ELAPOR2: variants seen among roughly 807,000 people sequenced by gnomAD.
ELAPOR2 encodes endosome/lysosome-associated apoptosis and autophagy regulator family member 2.
In ELAPOR2, 89 loss-of-function variants were observed where a neutral mutation model predicts 120.7. The observed-to-expected ratio is 0.74, with a 90% CI of 0.62 to 0.88. The LOEUF is 0.88. Ranked by LOEUF, ELAPOR2 falls within the 40% of genes least tolerant of loss-of-function variation. The pLI is 0.00. For synonymous variants in ELAPOR2, 444 were observed against 444.9 expected (o/e 1.00, Z 0.03); for missense variants, 1,134 against 1,251.6 (o/e 0.91, Z 1.42).
intron 2 of ELAPOR2, among the ~76,000 whole-genome samples, chr7:86,955,223 A>G (rs1197411273): frequency 6.6e-6 from 1 of 152,132 alleles, no homozygotes; most frequent in Non-Finnish European, 1.5e-5. Flanking sequence ...AAATTCTTAG[A>G]GAAGAAAAAG....
At chr7:87,053,760 G>C (rs1795184145) in intron 1 of ELAPOR2, among the ~76,000 whole-genome samples, 1 of 152,112 alleles carries the variant, frequency 6.6e-6, no homozygotes, top group African/African-American at 2.4e-5. Context: ...ATGGATCTAG[G>C]TCAGGAGGCT....
At chr7:86,976,904 C>T (rs1792301309) in intron 1 of ELAPOR2, among the ~76,000 whole-genome samples, 1 of 152,200 alleles carries the variant, frequency 6.6e-6, no homozygotes, top group Non-Finnish European at 1.5e-5. Context: ...TTACAACCAT[C>T]ATGCATAAGG....
At chr7:87,034,683 G>A (rs1794527019) in intron 1 of ELAPOR2, among the ~76,000 whole-genome samples, 1 of 152,044 alleles carries the variant, frequency 6.6e-6, no homozygotes, top group Non-Finnish European at 1.5e-5. Flanking sequence ...ATTTTCAAGG[G>A]TCAGTTCTTT....
At chr7:86,933,763 C>T (rs541307206) in intron 8 of ELAPOR2, among the ~76,000 whole-genome samples, 1 of 152,144 alleles carries the variant, frequency 6.6e-6, no homozygotes, top group South Asian at 2.1e-4. Flanking sequence ...GAGCCATGCT[C>T]CCACTTCTCA....
At chr7:86,933,875 G>C (rs1332697499) in intron 8 of ELAPOR2, among the ~76,000 whole-genome samples, 1 of 151,814 alleles carries the variant, frequency 6.6e-6, no homozygotes, top group African/African-American at 2.4e-5. Flanking sequence ...ATCTTCTAGG[G>C]GACTAGGTTT....
At chr7:87,039,761 G>T (rs576723364) in intron 1 of ELAPOR2, among the ~76,000 whole-genome samples, 38 of 152,324 alleles carry the variant, frequency 2.5e-4, no homozygotes, top group African/African-American at 8.7e-4. Flanking sequence ...CATACCGAGG[G>T]AGGAGCCAAG....
intron 12 of ELAPOR2, 119 bp downstream of exon 12, chr7:86,918,323 C>CAAAAAAAAAA (rs370415220): frequency 9.0e-4 from 156 of 172,532 alleles, no homozygotes; most frequent in African/African-American, 1.3e-3. Context: ...CTAAGAATAG[C>CAAAAAAAAAA]AAAAAAAAAA....
chr7:87,044,006 A>G (rs1003389199), intron 1 of ELAPOR2, among the ~76,000 whole-genome samples: 4 of 147,634 alleles, frequency 2.7e-5, no homozygotes, highest in Non-Finnish European at 6.0e-5. Context: ...CCCATTCACA[A>G]TTGCTTCAAA....
intron 1 of ELAPOR2, among the ~76,000 whole-genome samples, chr7:86,972,575 A>G (rs1792140242): frequency 6.6e-6 from 1 of 151,750 alleles, no homozygotes; most frequent in Non-Finnish European, 1.5e-5. Context: ...ATTCAGGGAC[A>G]TCAAGTAAGA....
chr7:86,908,803 T>C (rs150229606), intron 16 of ELAPOR2, among the ~76,000 whole-genome samples: 2 of 152,258 alleles, frequency 1.3e-5, no homozygotes, highest in African/African-American at 4.8e-5. Context: ...CTGAATCTAA[T>C]GCAAGCAGTA....
intron 1 of ELAPOR2, among the ~76,000 whole-genome samples, chr7:86,972,507 A>G (rs931548064): frequency 6.6e-6 from 1 of 151,940 alleles, no homozygotes; most frequent in African/African-American, 2.4e-5. Flanking sequence ...TCCCTTCCAC[A>G]TCATGACAAG....
At chr7:86,969,243 C>A (rs954784474) in intron 1 of ELAPOR2, among the ~76,000 whole-genome samples, 13 of 152,054 alleles carry the variant, frequency 8.5e-5, no homozygotes, top group African/African-American at 3.1e-4. Flanking sequence ...GTCATGGTAC[C>A]CCCTCAAACA....
At chr7:86,957,472 T>C (rs1470988861) in intron 2 of ELAPOR2, among the ~76,000 whole-genome samples, 1 of 152,166 alleles carries the variant, frequency 6.6e-6, no homozygotes, top group Non-Finnish European at 1.5e-5. Flanking sequence ...TCCATGAGAG[T>C]TTACTCTCCT....
intron 8 of ELAPOR2, among the ~76,000 whole-genome samples, chr7:86,933,243 C>A (rs1790410205): frequency 6.6e-6 from 1 of 151,830 alleles, no homozygotes; most frequent in African/African-American, 2.4e-5. Flanking sequence ...ATTTAGTCTA[C>A]AATTCTTTAT....
chr7:86,989,279 G>C (rs930633562), intron 1 of ELAPOR2, among the ~76,000 whole-genome samples: 11 of 152,282 alleles, frequency 7.2e-5, no homozygotes, highest in Non-Finnish European at 1.3e-4. Context: ...ATAATAAAGA[G>C]AGTAAAATAT....
intron 1 of ELAPOR2, among the ~76,000 whole-genome samples, chr7:86,984,185 C>A (rs1362654639): frequency 6.6e-6 from 1 of 152,102 alleles, no homozygotes; most frequent in African/African-American, 2.4e-5. Flanking sequence ...ATTCATAAAG[C>A]AAGTCCTTAG....
At chr7:86,977,448 G>C (rs1349910663) in intron 1 of ELAPOR2, among the ~76,000 whole-genome samples, 1 of 152,138 alleles carries the variant, frequency 6.6e-6, no homozygotes, top group East Asian at 1.9e-4. Flanking sequence ...AATTTGGCTA[G>C]CAACATCCCC....
At chr7:86,916,248 T>G (rs915479990) in intron 12 of ELAPOR2, among the ~76,000 whole-genome samples, 2 of 152,044 alleles carry the variant, frequency 1.3e-5, no homozygotes, top group Non-Finnish European at 2.9e-5. Context: ...TTTCAAAGGG[T>G]TTTAGAAGCA....
intron 1 of ELAPOR2, among the ~76,000 whole-genome samples, chr7:86,998,364 A>C (rs1006733499): frequency 6.6e-6 from 1 of 152,168 alleles, no homozygotes; most frequent in Non-Finnish European, 1.5e-5. Flanking sequence ...GTGAACGATT[A>C]AGAAGCATTT....
Sources: gnomAD v4.1 joint callset for allele counts (sites outside exome capture counted in the v4.1 genomes callset) on GRCh38, gnomAD v4.1.1 for gene constraint, MANE v1.5 for transcripts, NCBI Gene and HGNC (gene_info 2026-07-23, HGNC 2026-07-21) for gene names.